DRC8: variants seen among roughly 807,000 people sequenced by gnomAD.
DRC8 encodes the protein dynein regulatory complex protein 8.
chr1:244,989,769 T>C, the DRC8 span, among the ~76,000 whole-genome samples: 1 of 152,242 alleles, frequency 6.6e-6, no homozygotes, highest in African/African-American at 2.4e-5. Flanking sequence ...GAAATTCTTC[T>C]GAACAGAAGA....
the DRC8 span, chr1:244,970,055 C>A: frequency 1.6e-6 from 1 of 633,188 alleles, no homozygotes; most frequent in Non-Finnish European, 2.8e-6. Context: ...TGTGTGCGCG[C>A]GCGTGCTGTC....
chr1:245,088,777 G>A, the DRC8 span, among the ~76,000 whole-genome samples: 6 of 152,140 alleles, frequency 3.9e-5, no homozygotes, highest in Non-Finnish European at 7.3e-5. The surrounding 1 kb of genome is among the most constrained non-coding windows in gnomAD (Gnocchi z 4.6). Flanking sequence ...AGTGGGTGGC[G>A]GGGCACAGGG....
chr1:245,090,804 T>C, the DRC8 span, among the ~76,000 whole-genome samples: 1 of 152,086 alleles, frequency 6.6e-6, no homozygotes, highest in Admixed American at 6.5e-5. Context: ...AGTTCCAGAC[T>C]ATACCTGTCC....
At chr1:245,063,844 C>A in the DRC8 span, among the ~76,000 whole-genome samples, 8 of 152,152 alleles carry the variant, frequency 5.3e-5, no homozygotes, top group Admixed American at 1.3e-4. Context: ...GCCTCAGCCT[C>A]CCGAGTAGCT....
At chr1:244,975,280 A>G in the DRC8 span, among the ~76,000 whole-genome samples, 6 of 151,996 alleles carry the variant, frequency 3.9e-5, no homozygotes, top group Non-Finnish European at 7.4e-5. Context: ...CAAAGTGCTG[A>G]GATTACAGGC....
At chr1:245,117,950 A>G in the DRC8 span, among the ~76,000 whole-genome samples, 4 of 152,140 alleles carry the variant, frequency 2.6e-5, no homozygotes, top group South Asian at 4.1e-4. Context: ...CCTGGGTGAC[A>G]GAGTGAGACT....
At chr1:245,110,280 G>A in the DRC8 span, among the ~76,000 whole-genome samples, 1 of 152,154 alleles carries the variant, frequency 6.6e-6, no homozygotes, top group Admixed American at 6.5e-5. Flanking sequence ...GCTACTCAGA[G>A]AGCTGAGGCA....
chr1:245,084,057 ATTCCGC>A, the DRC8 span, among the ~76,000 whole-genome samples: 1 of 64,002 alleles, frequency 1.6e-5, no homozygotes, highest in Non-Finnish European at 3.1e-5. Flanking sequence ...GAATATAAAA[ATTCCGC>A]CCCCCCCCCG....
the DRC8 span, among the ~76,000 whole-genome samples, chr1:245,051,072 G>A: frequency 6.6e-6 from 1 of 152,074 alleles, no homozygotes; most frequent in Non-Finnish European, 1.5e-5. Context: ...GACTTGCCAT[G>A]TTGTCCAGGC....
the DRC8 span, among the ~76,000 whole-genome samples, chr1:244,978,383 C>CT: frequency 5.9e-5 from 9 of 151,688 alleles, no homozygotes; most frequent in African/African-American, 1.9e-4. Flanking sequence ...ATCCCAGCTA[C>CT]TCGGGAGGCT....
chr1:245,005,910 G>T, the DRC8 span, among the ~76,000 whole-genome samples: 1 of 152,162 alleles, frequency 6.6e-6, no homozygotes, highest in Non-Finnish European at 1.5e-5. Context: ...CCAGGCAGGA[G>T]TGTCCGTCAC....
the DRC8 span, among the ~76,000 whole-genome samples, chr1:245,014,044 A>AC: frequency 6.7e-6 from 1 of 148,364 alleles, no homozygotes; most frequent in African/African-American, 2.5e-5. Flanking sequence ...AAAAAAAAAA[A>AC]AAAAAGACAA....
the DRC8 span, among the ~76,000 whole-genome samples, chr1:245,120,121 G>A: frequency 6.6e-6 from 1 of 152,108 alleles, no homozygotes; most frequent in Admixed American, 6.5e-5. Context: ...TAAAATATAT[G>A]TGGTACAAAA....
the DRC8 span, among the ~76,000 whole-genome samples, chr1:245,078,255 C>G: frequency 2.0e-5 from 3 of 152,078 alleles, no homozygotes; most frequent in African/African-American, 7.2e-5. Context: ...ACAGCCACTA[C>G]GGAAAACAGT....
the DRC8 span, chr1:245,087,003 T>C: frequency 8.7e-5 from 51 of 584,772 alleles, no homozygotes; most frequent in African/African-American, 8.2e-4. Flanking sequence ...AATGACGTGT[T>C]CTAGAGGTTG....
the DRC8 span, among the ~76,000 whole-genome samples, chr1:245,030,478 A>G: frequency 6.6e-6 from 1 of 152,208 alleles, no homozygotes; most frequent in African/African-American, 2.4e-5. Flanking sequence ...TTGTATAAGG[A>G]ATAGCAAAAA....
At chr1:245,087,001 G>T in the DRC8 span, 2 of 580,262 alleles carry the variant, frequency 3.4e-6, no homozygotes, top group Non-Finnish European at 6.2e-6. Flanking sequence ...GAAATGACGT[G>T]TTCTAGAGGT....
the DRC8 span, among the ~76,000 whole-genome samples, chr1:245,018,472 T>C: frequency 1.3e-5 from 2 of 152,040 alleles, no homozygotes; most frequent in Non-Finnish European, 2.9e-5. Context: ...GGGAATGACA[T>C]TGTGGAACAC....
the DRC8 span, chr1:245,123,356 G>T: frequency 6.6e-6 from 1 of 152,228 alleles, no homozygotes; most frequent in Admixed American, 6.5e-5. The surrounding 1 kb of genome is among the most constrained non-coding windows in gnomAD (Gnocchi z 5.0). Flanking sequence ...CAGTCTGCAG[G>T]TTGCTGACCC....
Sources: gnomAD v4.1 joint callset for allele counts (sites outside exome capture counted in the v4.1 genomes callset) on GRCh38, gnomAD v4.1.1 for gene constraint, Gnocchi (gnomAD v3.1) non-coding constraint, MANE v1.5 for transcripts, NCBI Gene and HGNC (gene_info 2026-07-23, HGNC 2026-07-21) for gene names.